Variants in COL6A3 observed in about 807,000 individuals in gnomAD.
COL6A3 encodes collagen type VI alpha 3 chain, also known as collagen alpha-3(VI) chain.
COL6A3 carries 137 observed loss-of-function variants against 274.1 expected under a neutral mutation model. The ratio of observed to expected loss-of-function variants is 0.50; its 90% CI spans 0.44 to 0.58. COL6A3 has a LOEUF of 0.58. Among genes scored for constraint, COL6A3 ranks in the 20% least tolerant of loss-of-function variants. The pLI is 0.00. For synonymous variants in COL6A3, 1,650 were observed against 1,650.6 expected (o/e 1.00, Z 0.01); for missense variants, 3,950 against 4,124.9 (o/e 0.96, Z 1.16).
At chr2:237,400,201 G>A (rs906152117) in intron 1 of COL6A3, among the ~76,000 whole-genome samples, 2 of 152,190 alleles carry the variant, frequency 1.3e-5, no homozygotes, top group African/African-American at 2.4e-5. Context: ...ATTACAGCAT[G>A]TAAAGGCATT....
chr2:237,339,114 T>C lies in COL6A3; in HGVS notation c.8468A>G (p.Glu2823Gly). 6.2e-7 allele frequency: 1 copy of C among 1,611,342 alleles called. No individual in the cohort carries two copies. Among genetic ancestry groups the C allele is most frequent in the Non-Finnish European group, 8.5e-7 (1 of 1,177,556 alleles). ...ATCTGGGGACAAGTAAAAAGCATTT[T>C]CACCTAAAGAAAAAAAACAAAGAAA... ...GRLLPSFVSS[E>G]NAFYLSPDIR... Residue 2823 changes from glutamate (E) to glycine (G), a missense_variant, in exon 39 of 44, where the codon GAA becomes GGA. Physicochemically the swap from Glu to Gly is moderately conservative, Grantham distance 98. Transcript: ENST00000295550.
At chr2:237,339,931 A>G (rs893423538) in intron 38 of COL6A3, among the ~76,000 whole-genome samples, 12 of 152,196 alleles carry the variant, frequency 7.9e-5, no homozygotes, top group African/African-American at 2.9e-4. Flanking sequence ...TTGAACTTTG[A>G]AGATGAATAT....
chr2:237,391,734 A>G, intron 3 of COL6A3, among the ~76,000 whole-genome samples: 1 of 152,180 alleles, frequency 6.6e-6, no homozygotes, highest in Non-Finnish European at 1.5e-5. Context: ...CATGTTGACC[A>G]GGCTGGTCTC....
chr2:237,405,134 C>G (rs950990078), intron 1 of COL6A3, among the ~76,000 whole-genome samples: 2 of 152,108 alleles, frequency 1.3e-5, no homozygotes, highest in Non-Finnish European at 2.9e-5. Flanking sequence ...TAGGACAATG[C>G]GTTATCCAGG....
chr2:237,363,235 G>C lies in COL6A3; in HGVS notation c.6063+18C>G. On this transcript the variant is annotated intron_variant, in intron 14 of 43. Coordinates refer to ENST00000295550, the MANE Select transcript of COL6A3 (RefSeq NM_004369.4). ...GTATCTACACTGGTCTGTGTATAAA[G>C]ACATAAAAAAAACTCACAAGCTGCT... is the stretch of plus-strand genomic sequence containing the variant. 4 of 1,605,280 alleles carry C rather than the reference G, an allele frequency of 2.5e-6. No individual in the cohort carries two copies. The highest frequency in any genetic ancestry group is 3.4e-6 in the Non-Finnish European group (4 of 1,176,646).
intron 11 of COL6A3, among the ~76,000 whole-genome samples, chr2:237,366,393 A>G (rs1255754077): frequency 6.6e-6 from 1 of 152,238 alleles, no homozygotes; most frequent in Non-Finnish European, 1.5e-5. Context: ...TTGATCTAAT[A>G]AATCTATAAT....
intron 42 of COL6A3, among the ~76,000 whole-genome samples, chr2:237,331,335 T>G (rs868201377): frequency 1.8e-4 from 27 of 151,954 alleles, no homozygotes; most frequent in African/African-American, 5.3e-4. Context: ...ATTAAAAAAT[T>G]TTCCCCCCAC....
chr2:237,396,650 C>T, intron 2 of COL6A3, 77 bp downstream of exon 2: 1 of 1,392,912 alleles, frequency 7.2e-7, no homozygotes, highest in South Asian at 1.2e-5. Context: ...AGCTCTATGT[C>T]AGTGCCTGAT....
chr2:237,346,558 G>A lies in COL6A3; in HGVS notation c.7037C>T (p.Ser2346Leu), dbSNP rs377168716. 15 of 1,613,440 alleles carry A rather than the reference G, an allele frequency of 9.3e-6. No homozygotes were observed. The highest frequency in any genetic ancestry group is 1.6e-4 in the Middle Eastern group (1 of 6,084). Residue 2346 changes from serine to leucine, a missense_variant, in exon 32 of 44, where the codon TCG becomes TTG. Physicochemically the swap from Ser to Leu is moderately radical, Grantham distance 145. Around this residue, in one of 5 missense-constraint regions of COL6A3, gnomAD observed 1,284 missense variants for 1,349.7 expected, o/e 0.95. Transcript: ENST00000295550. ...PKGIRGRRGN[S>L]GPPGIVGQKG... Reference sequence around the variant, plus strand: ...CTGTCCAACTATCCCTGGAGGTCCCGAATTTCCCTAGAGGGAGCAGAACAA... The same window carrying A: ...CTGTCCAACTATCCCTGGAGGTCCCAAATTTCCCTAGAGGGAGCAGAACAA...
intron 42 of COL6A3, 43 bp from the exon 43 acceptor site, chr2:237,325,767 G>T: frequency 6.4e-7 from 1 of 1,558,898 alleles, no homozygotes; most frequent in Middle Eastern, 1.7e-4. Flanking sequence ...GAGAACATGC[G>T]TGTTACTCGG....
intron 3 of COL6A3, among the ~76,000 whole-genome samples, chr2:237,392,236 C>G (rs1296930486): frequency 6.6e-6 from 1 of 152,188 alleles, no homozygotes; most frequent in African/African-American, 2.4e-5. Flanking sequence ...TTCTGAAACC[C>G]TCTTCTTCAT....
At chr2:237,396,691 C>T in intron 2 of COL6A3, 36 bp downstream of exon 2, 1 of 1,593,782 alleles carries the variant, frequency 6.3e-7, no homozygotes, top group Non-Finnish European at 8.6e-7. Context: ...GAATGATATT[C>T]CTTTTTACAA....
At chr2:237,410,345 C>T (rs1020605893) in intron 1 of COL6A3, among the ~76,000 whole-genome samples, 1 of 150,672 alleles carries the variant, frequency 6.6e-6, no homozygotes, top group African/African-American at 2.4e-5. Context: ...GTTCTGTCGC[C>T]CAGGCGCTGA....
rs369930821 is a variant in COL6A3, at chr2:237,377,317, A to G, written c.2525T>C (p.Phe842Ser). 429 of 1,600,878 alleles carry G rather than the reference A, an allele frequency of 2.7e-4. No homozygotes were observed. The highest frequency in any genetic ancestry group is 3.5e-4 in the Non-Finnish European group (418 of 1,179,968). ...GCCCACAAGATTGGCTGAGCCGTCA[A>G]AGAGGAACAGAATGTCTCGCTTGCT... ...PESKRDILFLFDGSANLVGQF... is the reference protein window; with the variant it reads ...PESKRDILFLSDGSANLVGQF... The change falls in exon 7 of 44, where the codon TTT becomes TCT. Residue 842 changes from phenylalanine to serine, a missense_variant. By Grantham distance (155) the Phe-to-Ser change is radical. Around this residue, in one of 5 missense-constraint regions of COL6A3, gnomAD observed 1,934 missense variants for 1,984.3 expected, o/e 0.97. Coordinates refer to ENST00000295550, the MANE Select transcript of COL6A3 (RefSeq NM_004369.4).
In COL6A3 at chr2:237,368,333, GC is replaced by G. The variant is rs2077602094; in HGVS notation, c.4900+229del. On this transcript the variant is annotated intron_variant, in intron 10 of 43. Coordinates refer to ENST00000295550, the MANE Select transcript of COL6A3 (RefSeq NM_004369.4). This position sits in a 1 kb window ranked among gnomAD's most constrained non-coding sequence, Gnocchi z 4.4. ...TTTGTAATTATCTCAGTGCAACACT[GC>G]AGAACCTTTCAATGGGGCTATGATT... Among the ~76,000 whole-genome samples the G allele has an allele frequency of 6.6e-6, 1 of 152,196 alleles. No individual in the cohort carries two copies. Among genetic ancestry groups the G allele is most frequent in the Admixed American group, 6.5e-5 (1 of 15,284 alleles).
intron 39 of COL6A3, among the ~76,000 whole-genome samples, 173 bp from the exon 40 acceptor site, chr2:237,336,705 C>T: frequency 6.6e-6 from 1 of 151,734 alleles, no homozygotes; most frequent in East Asian, 1.9e-4. Flanking sequence ...TCTGTGCCTC[C>T]CTAAAAAAAG....
At chr2:237,373,590 T>C (rs2077749795) in intron 8 of COL6A3, among the ~76,000 whole-genome samples, 1 of 152,188 alleles carries the variant, frequency 6.6e-6, no homozygotes, top group Non-Finnish European at 1.5e-5. Flanking sequence ...CACTTGCTTT[T>C]ACTCCTTCCT....
At chr2:237,353,205 C>T in intron 25 of COL6A3, 136 bp downstream of exon 25, 1 of 826,024 alleles carries the variant, frequency 1.2e-6, no homozygotes, top group South Asian at 1.5e-5. Context: ...GATTGCACAG[C>T]ATTGTGGAAG....
Position 237,360,081 on chromosome 2 carries a change from G to A in COL6A3, c.6282+7C>T, listed in dbSNP as rs779630783. The A allele has an allele frequency of 2.4e-5, 38 of 1,613,816 alleles. No homozygotes were observed. The Middle Eastern group carries it at 4.9e-4, about 21-fold the overall frequency. ...CCACGCTAGCAACCCCATCACCCAC[G>A]CCTCACCTTTACTCCTCTCTGGCCC... is the stretch of plus-strand genomic sequence containing the variant. On this transcript the variant is annotated splice_region_variant and intron_variant, in intron 17 of 43. Coordinates refer to ENST00000295550, the MANE Select transcript of COL6A3 (RefSeq NM_004369.4).
Sources: gnomAD v4.1 joint callset for allele counts (sites outside exome capture counted in the v4.1 genomes callset) on GRCh38, gnomAD v4.1.1 for gene constraint, gnomAD v4.1.1 regional missense constraint, Gnocchi (gnomAD v3.1) non-coding constraint, MANE v1.5 for transcripts, NCBI Gene and HGNC (gene_info 2026-07-23, HGNC 2026-07-21) for gene names.